Variants in PDCD10 observed in about 807,000 individuals in gnomAD.
PDCD10 encodes the protein programmed cell death protein 10.
PDCD10 carries 4 observed loss-of-function variants against 29.2 expected under a neutral mutation model. The observed-to-expected ratio is 0.14, with a 90% CI of 0.07 to 0.31. The LOEUF (loss-of-function observed/expected upper bound fraction) is 0.31, where lower values mean the gene tolerates loss of function less well. Among genes scored for constraint, PDCD10 ranks in the 10% least tolerant of loss-of-function variants. The probability of loss-of-function intolerance (pLI) is 1.00; values close to 1 mark genes in which losing one functional copy is unlikely to be tolerated. For synonymous variants in PDCD10, 70 were observed against 82.2 expected (o/e 0.85, Z 0.80); for missense variants, 183 against 257.9 (o/e 0.71, Z 1.99).
intron 3 of PDCD10, among the ~76,000 whole-genome samples, chr3:167,707,522 C>CA (rs201054541): frequency 0.018 from 2,735 of 150,696 alleles, 51 homozygotes; most frequent in South Asian, 0.069. Context: ...ACTAAAAATA[C>CA]AAAAAAAAAT....
chr3:167,708,493 AAC>A (rs1286274895), intron 3 of PDCD10, among the ~76,000 whole-genome samples: 3 of 152,220 alleles, frequency 2.0e-5, no homozygotes, highest in Non-Finnish European at 2.9e-5. Flanking sequence ...ACCCACAGTG[AAC>A]AGATTGTTGA....
rs371676939 is a variant in PDCD10 at position 167,713,974 on chromosome 3, T to C, written c.96+6088A>G. On this transcript the variant is annotated intron_variant, in intron 3 of 8. Coordinates refer to ENST00000392750, the MANE Select transcript of PDCD10 (RefSeq NM_007217.4). ...TTCACTGCTGAATTCTGCCAAACAT[T>C]TGAAGAACCAATACCAACCCTACTC... 1.0e-3 allele frequency among the ~76,000 whole-genome samples: 152 copies of C among 151,956 alleles called. 4 individuals carry two copies. The South Asian group carries it at 0.03, about 30-fold the overall frequency.
At chr3:167,725,757 T>C (rs1724051710) in intron 2 of PDCD10, among the ~76,000 whole-genome samples, 3 of 120,186 alleles carry the variant, frequency 2.5e-5, no homozygotes, top group Non-Finnish European at 3.5e-5. Context: ...TTTACCATTG[T>C]ATCGTTTATA....
At chr3:167,719,258 C>CA (rs1723336705) in intron 3 of PDCD10, among the ~76,000 whole-genome samples, 1 of 151,758 alleles carries the variant, frequency 6.6e-6, no homozygotes, top group Non-Finnish European at 1.5e-5. Context: ...AATAAAATAG[C>CA]AAAAAAATAT....
chr3:167,696,579 G>T (rs1720833052), intron 5 of PDCD10, among the ~76,000 whole-genome samples: 1 of 151,940 alleles, frequency 6.6e-6, no homozygotes, highest in Admixed American at 6.6e-5. Context: ...AAGTAAAAAG[G>T]ATGGTTATAT....
intron 4 of PDCD10, among the ~76,000 whole-genome samples, chr3:167,698,551 C>CA (rs143992078): frequency 0.28 from 41,732 of 151,404 alleles, 6,377 homozygotes; most frequent in African/African-American, 0.41. Flanking sequence ...CAAAACAAAA[C>CA]AAAAAAAACT....
At chr3:167,723,631 T>A (rs943815159) in intron 2 of PDCD10, among the ~76,000 whole-genome samples, 2 of 152,218 alleles carry the variant, frequency 1.3e-5, no homozygotes, top group African/African-American at 4.8e-5. Context: ...GTAATGTTGG[T>A]ATGATAACAA....
intron 2 of PDCD10, among the ~76,000 whole-genome samples, chr3:167,733,111 G>T (rs889639746): frequency 1.3e-5 from 2 of 152,126 alleles, no homozygotes; most frequent in African/African-American, 4.8e-5. Context: ...CCATTAAAAA[G>T]TGAAGCACAT....
chr3:167,707,005 ACT>A (rs1577346604), intron 3 of PDCD10, among the ~76,000 whole-genome samples: 1 of 152,136 alleles, frequency 6.6e-6, no homozygotes, highest in African/African-American at 2.4e-5. Context: ...ACTGGAGTCC[ACT>A]CTGTCACTGA....
At chr3:167,731,969 C>T (rs930765229) in intron 2 of PDCD10, among the ~76,000 whole-genome samples, 15 of 152,208 alleles carry the variant, frequency 9.9e-5, no homozygotes, top group Admixed American at 3.9e-4. Context: ...AGTCAGGAAG[C>T]AGCTTATGTA....
chr3:167,710,280 G>A (rs1351759820), intron 3 of PDCD10, among the ~76,000 whole-genome samples: 1 of 152,158 alleles, frequency 6.6e-6, no homozygotes, highest in East Asian at 1.9e-4. Context: ...TCCAGGCCTA[G>A]GCTTTTGGAC....
chr3:167,707,980 G>C (rs967564690), intron 3 of PDCD10, among the ~76,000 whole-genome samples: 1 of 152,120 alleles, frequency 6.6e-6, no homozygotes, highest in Non-Finnish European at 1.5e-5. Flanking sequence ...AGCACATTTG[G>C]AGACAATGGA....
At chr3:167,714,853 C>G (rs982820111) in intron 3 of PDCD10, among the ~76,000 whole-genome samples, 2 of 151,746 alleles carry the variant, frequency 1.3e-5, no homozygotes, top group Non-Finnish European at 2.9e-5. Context: ...TTAAAATGCC[C>G]ACAGTACTCA....
At chr3:167,704,030 TA>T (rs1361395295) in intron 4 of PDCD10, among the ~76,000 whole-genome samples, 1 of 152,202 alleles carries the variant, frequency 6.6e-6, no homozygotes, top group Non-Finnish European at 1.5e-5. Context: ...TGGCTAGTGA[TA>T]ACCCACTGAA....
chr3:167,720,899 G>A (rs919642437), intron 2 of PDCD10, among the ~76,000 whole-genome samples: 1 of 151,840 alleles, frequency 6.6e-6, no homozygotes, highest in Non-Finnish European at 1.5e-5. Context: ...GATACCTTCT[G>A]GTATTTAGAA....
chr3:167,710,028 A>T (rs1722372934), intron 3 of PDCD10, among the ~76,000 whole-genome samples: 1 of 152,130 alleles, frequency 6.6e-6, no homozygotes, highest in Non-Finnish European at 1.5e-5. Flanking sequence ...CAATCCTGGC[A>T]GGATTCATCG....
chr3:167,686,657 C>A (rs978868279), intron 8 of PDCD10, among the ~76,000 whole-genome samples: 3 of 152,142 alleles, frequency 2.0e-5, no homozygotes, highest in Non-Finnish European at 4.4e-5. Context: ...CCTAGACCTA[C>A]GAAATCAGAA....
At chr3:167,730,244 T>G (rs1488200886) in intron 2 of PDCD10, among the ~76,000 whole-genome samples, 1 of 152,118 alleles carries the variant, frequency 6.6e-6, no homozygotes, top group Non-Finnish European at 1.5e-5. Flanking sequence ...AGCATAACCC[T>G]CTAACACTGC....
Position 167,695,695 on chromosome 3 carries a change from T to G in PDCD10, c.296A>C (p.Glu99Ala). 6.2e-7 allele frequency: 1 copy of G among 1,613,802 alleles called. No individual in the cohort carries two copies. The highest frequency in any genetic ancestry group is 1.1e-5 in the South Asian group (1 of 91,072). The change falls in exon 6 of 9, where the codon GAA becomes GCA. Residue 99 changes from glutamate (E) to alanine (A), a missense_variant. Transcript: ENST00000392750. ...EEYMIERPEP[E>A]FQDLNEKARA... is the part of the protein sequence containing the mutation. ...TGCCTTTTCGTTTAGGTCTTGGAAT[T>G]CTGGCTCTGGTCGTTCAATCATATA...
Sources: allele counts gnomAD v4.1 joint callset (sites outside exome capture counted in the v4.1 genomes callset), GRCh38; gene constraint gnomAD v4.1.1; transcripts MANE v1.5; gene names NCBI Gene and HGNC (gene_info 2026-07-23, HGNC 2026-07-21).